CTXND1: variants seen among roughly 807,000 people sequenced by gnomAD.
CTXND1 encodes the protein cortexin domain-containing 1 protein.
intron 1 of CTXND1, among the ~76,000 whole-genome samples, chr15:80,223,268 G>T (rs980349532): frequency 6.6e-6 from 1 of 152,084 alleles, no homozygotes; most frequent in Non-Finnish European, 1.5e-5. Flanking sequence ...TGTTGGTTAG[G>T]CTGGTCTTGA....
Position 80,197,047 on chromosome 15 carries a change from G to A in CTXND1, c.*4723C>T, listed in dbSNP as rs574653671. ...ACAGTTGGTGGCCTGCCTGTTCCTG[G>A]GTAGTTTGTTTTTGTTTTTTATTTT... On this transcript the variant is annotated 3_prime_UTR_variant, in exon 3 of 3. Coordinates refer to ENST00000560778, the MANE Select transcript of CTXND1 (RefSeq NM_001352888.2). The A allele has an allele frequency of 2.6e-5, 4 of 152,068 alleles. No homozygotes were observed. Among genetic ancestry groups the A allele is most frequent in the African/African-American group, 9.7e-5 (4 of 41,322 alleles). 9.4% of individuals were successfully genotyped at this position (152,068 alleles called of 1,614,324 possible).
At chr15:80,212,986 T>TG (rs1893216530) in intron 1 of CTXND1, among the ~76,000 whole-genome samples, 2 of 152,200 alleles carry the variant, frequency 1.3e-5, no homozygotes, top group Middle Eastern at 3.2e-3. Flanking sequence ...TGGAAACCAA[T>TG]GGAGTTTTTC....
intron 1 of CTXND1, among the ~76,000 whole-genome samples, chr15:80,234,950 T>G (rs962131052): frequency 2.1e-4 from 32 of 152,324 alleles, no homozygotes; most frequent in African/African-American, 7.7e-4. Context: ...GACAGCAAGA[T>G]GCAGAGAGCA....
At chr15:80,222,280 C>T in intron 1 of CTXND1, among the ~76,000 whole-genome samples, 1 of 152,042 alleles carries the variant, frequency 6.6e-6, no homozygotes, top group East Asian at 1.9e-4. Flanking sequence ...TACCAATCAT[C>T]CAGATGATCA....
At chr15:80,205,507 T>C (rs1490658859) in intron 1 of CTXND1, among the ~76,000 whole-genome samples, 1 of 152,224 alleles carries the variant, frequency 6.6e-6, no homozygotes, top group Non-Finnish European at 1.5e-5. Flanking sequence ...AGTTGTCCCA[T>C]AGAACTGATA....
In CTXND1 at chr15:80,201,050, G is replaced by A. The variant is rs2041446321; in HGVS notation, c.*720C>T. On this transcript the variant is annotated 3_prime_UTR_variant, in exon 3 of 3. Coordinates refer to ENST00000560778, the MANE Select transcript of CTXND1 (RefSeq NM_001352888.2). ...AAAAATACAAGTAAAAAGGCTGGAAGAAAATATATCAAAATGGTGGTTTCC... is the reference window on the plus strand; with the variant it reads ...AAAAATACAAGTAAAAAGGCTGGAAAAAAATATATCAAAATGGTGGTTTCC... 6.6e-6 allele frequency: 1 copy of A among 152,160 alleles called. No individual in the cohort carries two copies. The allele number at this position is 152,160 out of a possible 1,614,324, so 9.4% of individuals were successfully genotyped here.
At chr15:80,216,678 G>A (rs2142127820) in intron 1 of CTXND1, among the ~76,000 whole-genome samples, 1 of 152,114 alleles carries the variant, frequency 6.6e-6, no homozygotes, top group African/African-American at 2.4e-5. Context: ...GCAGTGGTGC[G>A]ATCTTGGCTC....
intron 1 of CTXND1, among the ~76,000 whole-genome samples, chr15:80,246,279 T>G (rs994601441): frequency 6.6e-6 from 1 of 152,196 alleles, no homozygotes; most frequent in African/African-American, 2.4e-5. Flanking sequence ...TACTATGAGA[T>G]CAAGTAAGAA....
At position 80,207,152 on chromosome 15, in the gene CTXND1, T is replaced by C. The variant is rs550129507; in HGVS notation, c.-217-3412A>G. Among the ~76,000 whole-genome samples the C allele has an allele frequency of 1.1e-4, 16 of 152,310 alleles. No individual in the cohort carries two copies. The South Asian group carries it at 3.3e-3, about 32-fold the overall frequency. The stretch of plus-strand genomic sequence containing the variant: ...GTACTACTTCTTGAATGTTACTTGA[T>C]GTCAGCTTCTGAAAATTCTGGGCTC... On this transcript the variant is annotated intron_variant, in intron 1 of 2. Transcript: ENST00000560778.
intron 1 of CTXND1, among the ~76,000 whole-genome samples, chr15:80,229,516 A>G (rs1389893031): frequency 6.6e-6 from 1 of 152,204 alleles, no homozygotes; most frequent in Non-Finnish European, 1.5e-5. Flanking sequence ...TTTAGGAAGA[A>G]AGCCAACAAC....
chr15:80,209,549 G>A (rs1380892537), intron 1 of CTXND1, among the ~76,000 whole-genome samples: 1 of 152,240 alleles, frequency 6.6e-6, no homozygotes, highest in Non-Finnish European at 1.5e-5. Context: ...TGGCCGCTGG[G>A]CTGACCCAGT....
intron 1 of CTXND1, among the ~76,000 whole-genome samples, chr15:80,238,532 TG>T (rs1299046900): frequency 6.6e-6 from 1 of 150,666 alleles, no homozygotes; most frequent in Non-Finnish European, 1.5e-5. Flanking sequence ...TTGCCCAGGC[TG>T]GAGTGCAGTG....
At chr15:80,209,574 G>A (rs911234234) in intron 1 of CTXND1, among the ~76,000 whole-genome samples, 1 of 152,226 alleles carries the variant, frequency 6.6e-6, no homozygotes, top group Admixed American at 6.5e-5. Flanking sequence ...TTGTCAAAGC[G>A]TGAAGGTGTA....
rs1391010073 is a variant in CTXND1, at chr15:80,198,184, A to C, written c.*3586T>G. On this transcript the variant is annotated 3_prime_UTR_variant, in exon 3 of 3. Coordinates refer to ENST00000560778, the MANE Select transcript of CTXND1 (RefSeq NM_001352888.2). ...AGGTGTCTTCATTGTCCCAAAGACC[A>C]CTGCTGCAGAGTGGTGGATCATTTA... 1 of 152,214 alleles carries C rather than the reference A, an allele frequency of 6.6e-6. No individual in the cohort carries two copies. The highest frequency in any genetic ancestry group is 2.4e-5 in the African/African-American group (1 of 41,434). 9.4% of individuals were successfully genotyped at this position (152,214 alleles called of 1,614,324 possible).
chr15:80,245,048 A>G (rs1029315943), intron 1 of CTXND1, among the ~76,000 whole-genome samples: 3 of 152,192 alleles, frequency 2.0e-5, no homozygotes, highest in Non-Finnish European at 4.4e-5. Flanking sequence ...GGTGAGGATT[A>G]GGGTACCAGC....
intron 1 of CTXND1, among the ~76,000 whole-genome samples, chr15:80,248,643 G>A (rs1893660929): frequency 6.6e-6 from 1 of 152,204 alleles, no homozygotes; most frequent in African/African-American, 2.4e-5. Flanking sequence ...ACAAATGTAT[G>A]CCATTAATTT....
intron 1 of CTXND1, among the ~76,000 whole-genome samples, chr15:80,229,405 TC>T (rs1893405281): frequency 6.6e-6 from 1 of 152,212 alleles, no homozygotes; most frequent in Admixed American, 6.5e-5. Context: ...GAGAATGGAC[TC>T]CCTTGGAGCA....
intron 1 of CTXND1, among the ~76,000 whole-genome samples, chr15:80,251,301 G>A (rs527681511): frequency 4.6e-5 from 7 of 152,290 alleles, no homozygotes; most frequent in Non-Finnish European, 7.4e-5. Context: ...TAGAACCCAG[G>A]ATAGGTCTAC....
chr15:80,250,456 C>G (rs1413111699), intron 1 of CTXND1, among the ~76,000 whole-genome samples: 1 of 152,084 alleles, frequency 6.6e-6, no homozygotes, highest in Non-Finnish European at 1.5e-5. Context: ...TAATTTTCCA[C>G]ATGTATTTGG....
Sources: gnomAD v4.1 joint callset for allele counts (sites outside exome capture counted in the v4.1 genomes callset) on GRCh38, gnomAD v4.1.1 for gene constraint, MANE v1.5 for transcripts, NCBI Gene and HGNC (gene_info 2026-07-23, HGNC 2026-07-21) for gene names.